Variants in ACTMAP observed in about 807,000 individuals in gnomAD.
ACTMAP encodes the protein actin maturation protease, also known as UPF0692 protein C19orf54.
chr19:40,742,565 G>A, the ACTMAP span: 2 of 1,602,556 alleles, frequency 1.2e-6, no homozygotes, highest in Non-Finnish European at 1.7e-6. Flanking sequence ...GCTGCAGGTT[G>A]CTCTCCCGGA....
chr19:40,750,149 T>A, the ACTMAP span: 1 of 198,908 alleles, frequency 5.0e-6, no homozygotes, highest in Non-Finnish European at 1.0e-5. Flanking sequence ...CATGAGTGAG[T>A]TTGGGATATG....
the ACTMAP span, chr19:40,744,598 T>C: frequency 1.9e-6 from 3 of 1,613,702 alleles, no homozygotes; most frequent in African/African-American, 1.3e-5. Context: ...CCTCTTTCCG[T>C]GGCCACCCGT....
At chr19:40,749,842 G>C in the ACTMAP span, 17 of 1,334,486 alleles carry the variant, frequency 1.3e-5, no homozygotes, top group African/African-American at 1.5e-5. Context: ...TTCAGAAAGC[G>C]GGGAGGGAAG....
At chr19:40,746,330 C>T in the ACTMAP span, among the ~76,000 whole-genome samples, 1 of 152,134 alleles carries the variant, frequency 6.6e-6, no homozygotes, top group Non-Finnish European at 1.5e-5. Flanking sequence ...AGCGATTCTC[C>T]TGCCTCAGCC....
At chr19:40,744,878 T>C in the ACTMAP span, 2 of 908,758 alleles carry the variant, frequency 2.2e-6, no homozygotes, top group African/African-American at 1.7e-5. Flanking sequence ...AGAGGTCACC[T>C]GAGCTTCCTG....
At chr19:40,745,094 G>A in the ACTMAP span, 1 of 1,549,660 alleles carries the variant, frequency 6.5e-7, no homozygotes, top group Non-Finnish European at 8.7e-7. Flanking sequence ...AGTAAAGGCA[G>A]CAGATGGGCT....
the ACTMAP span, chr19:40,749,493 A>T: frequency 9.8e-6 from 15 of 1,534,914 alleles, no homozygotes; most frequent in South Asian, 1.4e-4. Flanking sequence ...GTCCTTGTGT[A>T]GTTTCAGAAG....
chr19:40,744,255 G>A, the ACTMAP span: 5 of 1,483,136 alleles, frequency 3.4e-6, no homozygotes, highest in African/African-American at 7.0e-5. Context: ...CGTGCTGAGG[G>A]CTCACAGTGG....
the ACTMAP span, among the ~76,000 whole-genome samples, chr19:40,748,984 C>CTTTTTTTTT: frequency 2.0e-5 from 2 of 102,528 alleles, no homozygotes; most frequent in Non-Finnish European, 3.8e-5. Context: ...GGCATTTGCT[C>CTTTTTTTTT]TTTTTTTTTT....
At chr19:40,744,609 A>T in the ACTMAP span, 1 of 1,613,872 alleles carries the variant, frequency 6.2e-7, no homozygotes, top group Non-Finnish European at 8.5e-7. Context: ...GGCCACCCGT[A>T]TGAGTCTCTC....
At chr19:40,745,275 T>G in the ACTMAP span, 944,525 of 1,429,324 alleles carry the variant, frequency 0.66, 314,265 homozygotes, top group Admixed American at 0.73. Context: ...CTGGGAGTGG[T>G]CGTATCCAGG....
the ACTMAP span, among the ~76,000 whole-genome samples, chr19:40,745,698 G>C: frequency 6.6e-6 from 1 of 151,990 alleles, no homozygotes; most frequent in Non-Finnish European, 1.5e-5. Context: ...TTGAGACAGA[G>C]TTTTGCTCGT....
chr19:40,741,062 C>T, the ACTMAP span: 1 of 398,668 alleles, frequency 2.5e-6, no homozygotes, highest in South Asian at 1.3e-4. Flanking sequence ...GCTCCAAGCC[C>T]TGGCTGGGAT....
chr19:40,742,582 C>T, the ACTMAP span: 11 of 1,607,860 alleles, frequency 6.8e-6, no homozygotes, highest in Middle Eastern at 3.3e-4. Flanking sequence ...CGGACCTGGT[C>T]GTAGTCCCAC....
chr19:40,749,043 T>G, the ACTMAP span, among the ~76,000 whole-genome samples: 1 of 144,238 alleles, frequency 6.9e-6, no homozygotes, highest in Non-Finnish European at 1.5e-5. Flanking sequence ...CAGGCTGGAG[T>G]GCAGTGGCGC....
chr19:40,743,972 G>T, the ACTMAP span: 1 of 1,614,026 alleles, frequency 6.2e-7, no homozygotes, highest in South Asian at 1.1e-5. Context: ...AGTCCTCGTC[G>T]TAGCTGGTGC....
the ACTMAP span, chr19:40,742,354 G>C: frequency 3.7e-6 from 5 of 1,352,016 alleles, no homozygotes; most frequent in Non-Finnish European, 4.9e-6. Flanking sequence ...CAATCTTGTC[G>C]CCATCACACA....
At chr19:40,744,862 CG>C in the ACTMAP span, 2 of 1,030,308 alleles carry the variant, frequency 1.9e-6, no homozygotes, top group Non-Finnish European at 2.7e-6. Context: ...GGGTGGAAGG[CG>C]GGGGAGAGGT....
chr19:40,743,978 G>C, the ACTMAP span: 1 of 1,614,046 alleles, frequency 6.2e-7, no homozygotes, highest in Non-Finnish European at 8.5e-7. Flanking sequence ...CGTCGTAGCT[G>C]GTGCTGGCAT....
Sources: gnomAD v4.1 joint callset for allele counts (sites outside exome capture counted in the v4.1 genomes callset) on GRCh38, gnomAD v4.1.1 for gene constraint, MANE v1.5 for transcripts, NCBI Gene and HGNC (gene_info 2026-07-23, HGNC 2026-07-21) for gene names.